Variants in C13orf42 observed in about 807,000 individuals in gnomAD.
The protein encoded by C13orf42 is chromosome 13 open reading frame 42.
intron 1 of C13orf42, among the ~76,000 whole-genome samples, chr13:51,144,301 T>C (rs1953718867): frequency 6.6e-6 from 1 of 151,426 alleles, no homozygotes; most frequent in Non-Finnish European, 1.5e-5. Flanking sequence ...TTTTGCTTAA[T>C]ATGTTTGCTG....
In C13orf42 at chr13:51,096,081, C is replaced by T. The variant is rs183622231; in HGVS notation, c.415-8006G>A. On this transcript the variant is annotated intron_variant, in intron 1 of 3. Coordinates refer to ENST00000563710, the MANE Select transcript of C13orf42 (RefSeq NM_001351589.3). The stretch of plus-strand genomic sequence containing the variant: ...TGGGACTGTTGTTGCTATGGTTACT[C>T]GAAATACATCACAGATTTTAAATCT... Among the ~76,000 whole-genome samples the T allele has an allele frequency of 1.2e-4, 19 of 152,226 alleles. No homozygotes were observed. The East Asian group carries it at 1.9e-3, about 15-fold the overall frequency.
chr13:51,122,124 G>A (rs1037346340), intron 1 of C13orf42, among the ~76,000 whole-genome samples: 1 of 152,030 alleles, frequency 6.6e-6, no homozygotes, highest in African/African-American at 2.4e-5. Context: ...AGAGAAAAAG[G>A]AAGGTTGAAA....
rs899239089 is a variant in C13orf42, at chr13:51,126,537, A to G, written n.137-13315T>C. Among the ~76,000 whole-genome samples the G allele has an allele frequency of 2.0e-5, 3 of 152,244 alleles. No homozygotes were observed. In the South Asian group the frequency reaches 6.2e-4, roughly 32 times the overall value. On this transcript the variant is annotated intron_variant and non_coding_transcript_variant, in intron 1 of 4. Transcript: ENST00000433280. ...AGCATTACCTTCAGCTCCATTTGTT[A>G]AATTGTCCACATGCATCCAGGGTTC... is the stretch of plus-strand genomic sequence containing the variant.
At chr13:51,106,465 T>C (rs546493790) in intron 1 of C13orf42, among the ~76,000 whole-genome samples, 2 of 152,332 alleles carry the variant, frequency 1.3e-5, no homozygotes, top group South Asian at 4.1e-4. Context: ...AGTGGATACA[T>C]TGACAAGGGT....
chr13:51,142,778 A>G (rs929089172), intron 1 of C13orf42, among the ~76,000 whole-genome samples: 6 of 151,952 alleles, frequency 3.9e-5, no homozygotes, highest in Non-Finnish European at 8.8e-5. Flanking sequence ...TTAGGTAAAA[A>G]AGCTTAAAGA....
intron 1 of C13orf42, among the ~76,000 whole-genome samples, chr13:51,094,910 TG>T (rs1953216933): frequency 6.6e-6 from 1 of 152,174 alleles, no homozygotes; most frequent in Admixed American, 6.6e-5. Context: ...AATGGAATCA[TG>T]GGGGTGTGTC....
At chr13:51,119,687 GA>G (rs1455656825) in intron 1 of C13orf42, among the ~76,000 whole-genome samples, 1 of 152,174 alleles carries the variant, frequency 6.6e-6, no homozygotes, top group Non-Finnish European at 1.5e-5. Context: ...TCACTTATAT[GA>G]GGTGCCCAGA....
intron 1 of C13orf42, among the ~76,000 whole-genome samples, chr13:51,130,267 G>A (rs1953606351): frequency 6.6e-6 from 1 of 152,188 alleles, no homozygotes; most frequent in South Asian, 2.1e-4. Context: ...GTCATAAACT[G>A]CTTCTTTGAC....
Position 51,086,475 on chromosome 13 carries a change from AGTGT to A in C13orf42, c.563-920_563-917del, listed in dbSNP as rs992486028. 7.9e-5 allele frequency among the ~76,000 whole-genome samples: 12 copies of A among 151,326 alleles called. 1 individual carries two copies. In the South Asian group the frequency reaches 2.3e-3, roughly 29 times the overall value. ...GTGAGTTTGTGTGTGTGTATGTGAG[AGTGT>A]GTGTGTGTAAGAGAGTGTGTGTGTG... On this transcript the variant is annotated intron_variant, in intron 2 of 3. Coordinates refer to ENST00000563710, the MANE Select transcript of C13orf42 (RefSeq NM_001351589.3).
rs553002805 is a variant in C13orf42 at position 51,094,479 on chromosome 13, A to T, written c.415-6404T>A. On this transcript the variant is annotated intron_variant, in intron 1 of 3. Transcript: ENST00000563710. ...TAATTATGTTGTAAACACACAATAT[A>T]TTGCTACCCTCTTTGCTTTAGACAA... 2.4e-4 allele frequency among the ~76,000 whole-genome samples: 37 copies of T among 152,324 alleles called. 1 individual carries two copies. Among genetic ancestry groups the T allele is most frequent in the African/African-American group, 8.7e-4 (36 of 41,572 alleles).
At position 51,170,732 on chromosome 13, in the gene C13orf42, C is replaced by T. The variant is rs555831224; in HGVS notation, n.136+1521G>A. Among the ~76,000 whole-genome samples, 509 of 152,218 alleles carry T rather than the reference C, an allele frequency of 3.3e-3. 10 individuals carry two copies. The highest frequency in any genetic ancestry group is 0.012 in the African/African-American group (491 of 41,510). ...CACTCACGTTTCAAGGGTGTCAGACCACGCAGGGACGCCTGCCTTGGTCCT... is the reference window on the plus strand; with the variant it reads ...CACTCACGTTTCAAGGGTGTCAGACTACGCAGGGACGCCTGCCTTGGTCCT... On this transcript the variant is annotated intron_variant and non_coding_transcript_variant, in intron 1 of 4. Transcript: ENST00000433280.
At chr13:51,114,235 TG>T (rs1953464088), upstream of C13orf42, among the ~76,000 whole-genome samples, 1 of 152,170 alleles carries the variant, frequency 6.6e-6, no homozygotes, top group African/African-American at 2.4e-5. Context: ...ACTCAGAGTT[TG>T]AATCACAGGT....
intron 1 of C13orf42, among the ~76,000 whole-genome samples, chr13:51,158,761 T>C (rs1004114016): frequency 6.6e-6 from 1 of 152,256 alleles, no homozygotes; most frequent in Non-Finnish European, 1.5e-5. Flanking sequence ...TCTGGGGGTT[T>C]TCCACCCCAC....
intron 1 of C13orf42, among the ~76,000 whole-genome samples, chr13:51,108,956 T>C (rs535301046): frequency 1.3e-5 from 2 of 152,186 alleles, no homozygotes; most frequent in East Asian, 3.9e-4. Context: ...GGAAGGGAGG[T>C]AGGTCCTATA....
chr13:51,097,746 T>C (rs1953250544), intron 1 of C13orf42, among the ~76,000 whole-genome samples: 1 of 151,404 alleles, frequency 6.6e-6, no homozygotes, highest in Non-Finnish European at 1.5e-5. Flanking sequence ...CTCCCAATCT[T>C]GATTTTTTTT....
intron 1 of C13orf42, among the ~76,000 whole-genome samples, chr13:51,146,281 C>T (rs1953734646): frequency 6.6e-6 from 1 of 152,130 alleles, no homozygotes. Context: ...TCAGAGATAA[C>T]ACAGGAAACT....
intron 1 of C13orf42, among the ~76,000 whole-genome samples, chr13:51,141,025 A>T (rs191329596): frequency 0.068 from 9,886 of 145,430 alleles, 490 homozygotes; most frequent in African/African-American, 0.15. Context: ...ATTAAAAAAA[A>T]TTTTTTTTTT....
intron 1 of C13orf42, among the ~76,000 whole-genome samples, chr13:51,151,905 AT>A (rs969118148): frequency 2.6e-5 from 4 of 152,142 alleles, no homozygotes; most frequent in Admixed American, 1.3e-4. Flanking sequence ...GCAGTTTTTT[AT>A]TGTCCAGGCT....
intron 1 of C13orf42, among the ~76,000 whole-genome samples, chr13:51,146,403 C>T (rs372614351): frequency 1.1e-4 from 17 of 152,284 alleles, no homozygotes; most frequent in African/African-American, 4.1e-4. Context: ...TCTCTTCTTG[C>T]TGTGAACCTC....
Sources: gnomAD v4.1 joint callset for allele counts (sites outside exome capture counted in the v4.1 genomes callset) on GRCh38, gnomAD v4.1.1 for gene constraint, MANE v1.5 for transcripts, NCBI Gene and HGNC (gene_info 2026-07-23, HGNC 2026-07-21) for gene names.